ZNF729: variants seen among roughly 807,000 people sequenced by gnomAD.
ZNF729 encodes zinc finger protein 729.
In ZNF729, 15 loss-of-function variants were observed where a neutral mutation model predicts 12.2. The ratio of observed to expected loss-of-function variants is 1.23; its 90% CI spans 0.82 to 1.89. The LOEUF (loss-of-function observed/expected upper bound fraction) is 1.89, where lower values mean the gene tolerates loss of function less well. Ranked by LOEUF, ZNF729 falls within the 40% of genes most tolerant of loss-of-function variation. ZNF729 has a pLI of 0.00. For missense variants in ZNF729, 1,540 were observed against 1,456.7 expected, an observed-to-expected ratio of 1.06 and a Z score of -0.93; for synonymous variants, 492 against 476.3, an observed-to-expected ratio of 1.03 and a Z score of -0.43.
At position 22,314,968 on chromosome 19, in the gene ZNF729, A is replaced by G. The variant is rs563369344; in HGVS notation, c.1551A>G (p.Lys517=). ...TTCATACTGGAAAGAAACCCTACAA[A>G]TGTGAAGAATGTGGGAAAGCTTTTA... The part of the protein sequence containing the change: ...KIIHTGKKPY[K]CEECGKAFSQ... Residue 517 remains lysine (K), a synonymous_variant, in exon 4 of 4, where the codon AAA becomes AAG. Coordinates refer to ENST00000601693, the MANE Select transcript of ZNF729 (RefSeq NM_001242680.2). 15 of 1,611,960 alleles carry G rather than the reference A, an allele frequency of 9.3e-6. No individual in the cohort carries two copies. Among genetic ancestry groups the G allele is most frequent in the Non-Finnish European group, 1.2e-5 (14 of 1,179,708 alleles).
At chr19:22,300,739 G>C (rs1968294313) in intron 1 of ZNF729, among the ~76,000 whole-genome samples, 1 of 152,172 alleles carries the variant, frequency 6.6e-6, no homozygotes, top group Non-Finnish European at 1.5e-5. Flanking sequence ...AACTGAAACT[G>C]ATTCACAGAC....
intron 3 of ZNF729, among the ~76,000 whole-genome samples, chr19:22,307,826 T>A (rs11882283): frequency 9.4e-6 from 1 of 105,842 alleles, no homozygotes; most frequent in South Asian, 3.5e-4. Context: ...TTTTTTTTTG[T>A]CTTTAAGTAA....
rs1157779563 is a variant in ZNF729, at chr19:22,314,141, G to A, written c.724G>A (p.Gly242Ser). ...EDKPYKYKKC[G>S]NAFKFSSTFT... is the part of the protein sequence containing the mutation. ...CAAACCTTACAAATATAAGAAATGT[G>A]GCAATGCCTTTAAATTTTCTTCAAC... The change falls in exon 4 of 4, where the codon GGC becomes AGC. Residue 242 changes from glycine to serine, a missense_variant. Gly to Ser is a moderately conservative substitution (Grantham distance 56, BLOSUM62 0). Coordinates refer to ENST00000601693, the MANE Select transcript of ZNF729 (RefSeq NM_001242680.2). 2 of 1,557,116 alleles carry A rather than the reference G, an allele frequency of 1.3e-6. No homozygotes were observed. The highest frequency in any genetic ancestry group is 1.7e-6 in the Non-Finnish European group (2 of 1,152,104).
chr19:22,286,519 A>T lies in ZNF729; in HGVS notation c.-7A>T. 3.7e-6 allele frequency: 6 copies of T among 1,613,434 alleles called. No individual in the cohort carries two copies. The highest frequency in any genetic ancestry group is 5.1e-6 in the Non-Finnish European group (6 of 1,179,926). On this transcript the variant is annotated 5_prime_UTR_variant, in exon 1 of 4. Transcript: ENST00000601693. ...TAACCTGCGGCATTGGAAGATCCAC[A>T]GCTAACATGCCAGGTGCCCCTGGCA...
chr19:22,304,908 AT>A, intron 3 of ZNF729, 125 bp downstream of exon 3: 4 of 1,018,802 alleles, frequency 3.9e-6, no homozygotes, highest in Non-Finnish European at 4.2e-6. Context: ...GAAGACTGAG[AT>A]TTTTTAAATT....
At chr19:22,313,391 C>T (rs1250987954) in intron 3 of ZNF729, among the ~76,000 whole-genome samples, 1 of 152,190 alleles carries the variant, frequency 6.6e-6, no homozygotes, top group African/African-American at 2.4e-5. Flanking sequence ...TTTTTGGTAG[C>T]AGGAAGAGCT....
chr19:22,310,869 G>A (rs1408164779), intron 3 of ZNF729, among the ~76,000 whole-genome samples: 1 of 152,018 alleles, frequency 6.6e-6, no homozygotes, highest in African/African-American at 2.4e-5. Flanking sequence ...CAGTCTCGCT[G>A]CTTGTTATTG....
At chr19:22,290,745 A>G (rs755066855) in intron 1 of ZNF729, among the ~76,000 whole-genome samples, 2 of 151,590 alleles carry the variant, frequency 1.3e-5, no homozygotes, top group Non-Finnish European at 2.9e-5. Context: ...CAGCTGATTT[A>G]TTTATTTTTT....
chr19:22,289,277 G>A (rs1968122257), intron 1 of ZNF729, among the ~76,000 whole-genome samples: 1 of 148,114 alleles, frequency 6.8e-6, no homozygotes, highest in African/African-American at 2.5e-5. Flanking sequence ...CCAGACTGGA[G>A]TGCAGTGGCG....
At chr19:22,303,319 G>T (rs1184863987) in intron 1 of ZNF729, among the ~76,000 whole-genome samples, 1 of 149,870 alleles carries the variant, frequency 6.7e-6, no homozygotes, top group Non-Finnish European at 1.5e-5. Context: ...CAGAAACTCA[G>T]ACTTTATTCT....
At chr19:22,291,423 C>G (rs1431262030) in intron 1 of ZNF729, among the ~76,000 whole-genome samples, 1 of 152,096 alleles carries the variant, frequency 6.6e-6, no homozygotes, top group Non-Finnish European at 1.5e-5. Context: ...TTGTCCACAC[C>G]CCTCGTAGGA....
intron 1 of ZNF729, among the ~76,000 whole-genome samples, chr19:22,293,897 ATATTT>A (rs1968189212): frequency 6.6e-6 from 1 of 152,126 alleles, no homozygotes; most frequent in Non-Finnish European, 1.5e-5. Flanking sequence ...TAGTTTGGAA[ATATTT>A]TATTTTATTC....
intron 3 of ZNF729, among the ~76,000 whole-genome samples, chr19:22,306,008 G>GTTT (rs1968373290): frequency 1.3e-5 from 2 of 152,018 alleles, no homozygotes; most frequent in Non-Finnish European, 2.9e-5. Flanking sequence ...TAGAGACAGG[G>GTTT]TTTTGCCTTG....
At chr19:22,295,000 G>A (rs555813728) in intron 1 of ZNF729, among the ~76,000 whole-genome samples, 1 of 150,450 alleles carries the variant, frequency 6.6e-6, no homozygotes, top group South Asian at 2.1e-4. Flanking sequence ...TTGACATAGA[G>A]ATCTTTCACT....
chr19:22,289,724 G>A (rs1462557783), intron 1 of ZNF729, among the ~76,000 whole-genome samples: 2 of 152,150 alleles, frequency 1.3e-5, no homozygotes, highest in Non-Finnish European at 2.9e-5. Flanking sequence ...TAATTGGTGA[G>A]TTATGTAGAT....
chr19:22,293,494 ATTTTTT>A (rs56180581), intron 1 of ZNF729, among the ~76,000 whole-genome samples: 2 of 96,066 alleles, frequency 2.1e-5, no homozygotes, highest in African/African-American at 4.2e-5. Flanking sequence ...CCTTTTGTCT[ATTTTTT>A]TTTTTTTTTT....
chr19:22,317,091 T>C lies in ZNF729; in HGVS notation c.3674T>C (p.Leu1225Ser). The change falls in exon 4 of 4, where the codon TTA becomes TCA. Residue 1225 changes from leucine (L) to serine (S), a missense_variant. Physicochemically the swap from Leu to Ser is moderately radical, Grantham distance 145. Transcript: ENST00000601693. Reference protein sequence around the residue: ...PTNVKKVPKLLSNPHTLLDKT... With the variant: ...PTNVKKVPKLSSNPHTLLDKT... ...AATGTGAAGAAAGTACCAAAGCTTT[T>C]AAGCAATCCTCACACCTTACTAGAC... is the stretch of plus-strand genomic sequence containing the variant. 1 of 1,600,536 alleles carries C rather than the reference T, an allele frequency of 6.2e-7. No homozygotes were observed. The highest frequency in any genetic ancestry group is 1.1e-5 in the South Asian group (1 of 90,164).
chr19:22,293,494 AT>A (rs56180581), intron 1 of ZNF729, among the ~76,000 whole-genome samples: 2,654 of 96,018 alleles, frequency 0.028, 143 homozygotes, highest in African/African-American at 0.09. Flanking sequence ...CCTTTTGTCT[AT>A]TTTTTTTTTT....
At chr19:22,309,511 G>C (rs1968424803) in intron 3 of ZNF729, among the ~76,000 whole-genome samples, 1 of 152,094 alleles carries the variant, frequency 6.6e-6, no homozygotes. Context: ...AAGTTCAGTT[G>C]GCTGTAAGTA....
Sources: gnomAD v4.1 joint callset for allele counts (sites outside exome capture counted in the v4.1 genomes callset) on GRCh38, gnomAD v4.1.1 for gene constraint, MANE v1.5 for transcripts, NCBI Gene and HGNC (gene_info 2026-07-23, HGNC 2026-07-21) for gene names.